MPV17L: variants seen among roughly 807,000 people sequenced by gnomAD.
MPV17L encodes mpv17-like protein.
MPV17L carries 24 observed loss-of-function variants against 25.8 expected under a neutral mutation model. The observed-to-expected ratio is 0.93, with a 90% confidence interval of 0.67 to 1.31. The LOEUF (loss-of-function observed/expected upper bound fraction) is 1.31, where lower values mean the gene tolerates loss of function less well. Ranked by LOEUF, MPV17L falls within the 50% of genes most tolerant of loss-of-function variation. MPV17L has a pLI of 0.00. For synonymous variants in MPV17L, 102 were observed against 115.3 expected, an observed-to-expected ratio of 0.88 and a Z score of 0.74; for missense variants, 250 against 265.6, an observed-to-expected ratio of 0.94 and a Z score of 0.41.
chr16:15,411,579 G>A lies in MPV17L; in HGVS notation c.*3467G>A, dbSNP rs1730088680. On this transcript the variant is annotated 3_prime_UTR_variant, in exon 4 of 4. Coordinates refer to ENST00000396385, the MANE Select transcript of MPV17L (RefSeq NM_001128423.2). The stretch of plus-strand genomic sequence containing the variant: ...GAGGATCTCTCGAGCTCAGGAGGCA[G>A]AAGATGAATAAATAAATGGATGCAA... The A allele has an allele frequency of 6.6e-6, 1 of 152,280 alleles. No homozygotes were observed. Among genetic ancestry groups the A allele is most frequent in the East Asian group, 1.9e-4 (1 of 5,178 alleles). 9.4% of individuals were successfully genotyped at this position (152,280 alleles called of 1,614,324 possible). A position where few individuals can be genotyped will look rare whatever the true frequency, so the allele number is the denominator to read the frequency against.
chr16:15,399,062 A>G (rs2050611773), intron 1 of MPV17L, among the ~76,000 whole-genome samples: 1 of 151,724 alleles, frequency 6.6e-6, no homozygotes, highest in South Asian at 2.1e-4. Flanking sequence ...CAGATTAACA[A>G]CTCTGGCTTG....
chr16:15,404,632 C>T (rs1399249386), intron 2 of MPV17L, among the ~76,000 whole-genome samples: 2 of 152,158 alleles, frequency 1.3e-5, no homozygotes, highest in East Asian at 1.9e-4. Flanking sequence ...ACCAGCCTGA[C>T]CAACATGGTG....
rs1173010652 is a variant in MPV17L, at chr16:15,411,611, G to A, written c.*3499G>A. On this transcript the variant is annotated 3_prime_UTR_variant, in exon 4 of 4. Coordinates refer to ENST00000396385, the MANE Select transcript of MPV17L (RefSeq NM_001128423.2). The stretch of plus-strand genomic sequence containing the variant: ...AATAAATAAATGGATGCAACTGAAT[G>A]AGATGAGGTCTCTCTTGAAGGAGAG... 1.3e-5 allele frequency: 2 copies of A among 152,184 alleles called. No homozygotes were observed. The highest frequency in any genetic ancestry group is 2.9e-5 in the Non-Finnish European group (2 of 68,044). The allele number at this position is 152,184 out of a possible 1,614,324, so 9.4% of individuals were successfully genotyped here.
rs2050701462 is a variant in MPV17L, at chr16:15,408,415, T to C, written c.*303T>C. ...ACACAAGTTTCAGGAAACTTGGTTT[T>C]GATTGTTCACATTTCTATTCTAAAA... is the stretch of plus-strand genomic sequence containing the variant. On this transcript the variant is annotated 3_prime_UTR_variant, in exon 4 of 4. Transcript: ENST00000396385. 4.3e-6 allele frequency: 1 copy of C among 230,400 alleles called. No individual in the cohort carries two copies. Among genetic ancestry groups the C allele is most frequent in the Non-Finnish European group, 8.4e-6 (1 of 119,060 alleles). The allele number at this position is 230,400 out of a possible 1,614,324, so 14.3% of individuals were successfully genotyped here. A position where few individuals can be genotyped will look rare whatever the true frequency, so the allele number is the denominator to read the frequency against.
chr16:15,404,283 T>C (rs1192803379), intron 2 of MPV17L, among the ~76,000 whole-genome samples: 3 of 152,096 alleles, frequency 2.0e-5, no homozygotes, highest in Non-Finnish European at 2.9e-5. Flanking sequence ...CAACTTGGAA[T>C]GAGTTTGGAT....
At position 15,408,027 on chromosome 16, in the gene MPV17L, A is replaced by G; in HGVS notation, c.506A>G (p.Gln169Arg). ...LWATFICFSQ[Q>R]SGDGTFKSAF... ...GCCACCTTCATCTGTTTTTCCCAGC[A>G]GAGTGGTGACGGCACATTCAAGTCA... The change falls in exon 4 of 4, where the codon CAG becomes CGG. Residue 169 changes from glutamine (Q) to arginine (R), a missense_variant. By Grantham distance (43) the Gln-to-Arg change is conservative (BLOSUM62 1). Transcript: ENST00000396385. 1 of 1,614,054 alleles carries G rather than the reference A, an allele frequency of 6.2e-7. No homozygotes were observed. Among genetic ancestry groups the G allele is most frequent in the Non-Finnish European group, 8.5e-7 (1 of 1,180,036 alleles).
chr16:15,399,552 C>T (rs1314326196), intron 1 of MPV17L: 18 of 365,704 alleles, frequency 4.9e-5, no homozygotes, highest in Middle Eastern at 9.3e-4. Context: ...ACTACAGGCA[C>T]GCACCCCTAT....
chr16:15,397,512 C>T (rs1475265187), intron 1 of MPV17L, among the ~76,000 whole-genome samples: 2 of 152,058 alleles, frequency 1.3e-5, no homozygotes, highest in Admixed American at 1.3e-4. Context: ...CAGGAGGGGC[C>T]CTGTGGCCTC....
intron 2 of MPV17L, among the ~76,000 whole-genome samples, chr16:15,406,353 A>T (rs989287305): frequency 6.6e-6 from 1 of 152,130 alleles, no homozygotes; most frequent in African/African-American, 2.4e-5. Context: ...AGAAAATACA[A>T]ATTAGTAAAA....
chr16:15,399,957 A>G (rs2050619128), intron 1 of MPV17L, among the ~76,000 whole-genome samples: 1 of 152,008 alleles, frequency 6.6e-6, no homozygotes, highest in South Asian at 2.1e-4. Flanking sequence ...GGCATATGCC[A>G]CCATGCCTGG....
chr16:15,412,917 A>G lies in MPV17L; in HGVS notation c.*4805A>G, dbSNP rs1279733909. ...TTCTAACTCATACATCATTGCTATA[A>G]ACCTTATTTGTTTACTGTTTCTCTT... is the stretch of plus-strand genomic sequence containing the variant. On this transcript the variant is annotated 3_prime_UTR_variant, in exon 4 of 4. Coordinates refer to ENST00000396385, the MANE Select transcript of MPV17L (RefSeq NM_001128423.2). The G allele has an allele frequency of 6.6e-6, 1 of 152,048 alleles. No homozygotes were observed. The highest frequency in any genetic ancestry group is 1.5e-5 in the Non-Finnish European group (1 of 68,004). 9.4% of individuals were successfully genotyped at this position (152,048 alleles called of 1,614,324 possible). A position where few individuals can be genotyped will look rare whatever the true frequency, so the allele number is the denominator to read the frequency against.
intron 2 of MPV17L, among the ~76,000 whole-genome samples, chr16:15,404,650 G>C (rs1252470609): frequency 6.6e-6 from 1 of 151,994 alleles, no homozygotes; most frequent in Non-Finnish European, 1.5e-5. Context: ...GTGAAACCCT[G>C]TCTCTACTAA....
chr16:15,408,349 C>T lies in MPV17L; in HGVS notation c.*237C>T, dbSNP rs1244702210. ...TTTTGGTTAATATGAATAATAGTGGCAAAATGGCATTTTAGAATTATTAAT... is the reference window on the plus strand; with the variant it reads ...TTTTGGTTAATATGAATAATAGTGGTAAAATGGCATTTTAGAATTATTAAT... On this transcript the variant is annotated 3_prime_UTR_variant, in exon 4 of 4. Transcript: ENST00000396385. 5 of 380,222 alleles carry T rather than the reference C, an allele frequency of 1.3e-5. No individual in the cohort carries two copies. The highest frequency in any genetic ancestry group is 2.3e-5 in the Non-Finnish European group (5 of 213,346). The allele number at this position is 380,222 out of a possible 1,614,324, so 23.6% of individuals were successfully genotyped here.
intron 1 of MPV17L, among the ~76,000 whole-genome samples, chr16:15,397,518 G>A (rs945129113): frequency 5.3e-5 from 8 of 152,120 alleles, no homozygotes; most frequent in Non-Finnish European, 1.0e-4. Flanking sequence ...GGGCCCTGTG[G>A]CCTCTAGCAT....
At chr16:15,401,118 A>C (rs2050637425) in intron 2 of MPV17L, among the ~76,000 whole-genome samples, 1 of 78,964 alleles carries the variant, frequency 1.3e-5, no homozygotes, top group Non-Finnish European at 2.7e-5. Context: ...TTTTAATTAA[A>C]AAAACCTTTT....
Position 15,399,442 on chromosome 16 carries a change from A to G in MPV17L, c.311-1345A>G, listed in dbSNP as rs191778824. 5.3e-4 allele frequency: 242 copies of G among 452,422 alleles called. 1 individual carries two copies. The highest frequency in any genetic ancestry group is 4.0e-3 in the African/African-American group (199 of 49,924). 28.0% of individuals were successfully genotyped at this position (452,422 alleles called of 1,614,324 possible). On this transcript the variant is annotated intron_variant, in intron 1 of 3. Transcript: ENST00000396385. ...TTTTTCTGAGACAGGGTCTCACTCT[A>G]TTCCCCAGGCTGAAGTGCAGTGATG... is the stretch of plus-strand genomic sequence containing the variant.
At chr16:15,398,261 C>G (rs565258359) in intron 1 of MPV17L, among the ~76,000 whole-genome samples, 4 of 152,018 alleles carry the variant, frequency 2.6e-5, no homozygotes, top group Non-Finnish European at 5.9e-5. Context: ...CCAGGCTGGT[C>G]TCGAACTCCT....
At chr16:15,406,465 C>A (rs886664812) in intron 2 of MPV17L, among the ~76,000 whole-genome samples, 9 of 151,840 alleles carry the variant, frequency 5.9e-5, no homozygotes, top group Non-Finnish European at 1.3e-4. Flanking sequence ...TTTAAAAAAT[C>A]ATAATGATGA....
intron 2 of MPV17L, among the ~76,000 whole-genome samples, chr16:15,406,692 G>A (rs527715270): frequency 2.8e-4 from 43 of 152,188 alleles, no homozygotes; most frequent in Admixed American, 1.1e-3. Context: ...TTGGGAGGCC[G>A]AGGCAGGCAA....
Sources: gnomAD v4.1 joint callset for allele counts (sites outside exome capture counted in the v4.1 genomes callset) on GRCh38, gnomAD v4.1.1 for gene constraint, MANE v1.5 for transcripts, NCBI Gene and HGNC (gene_info 2026-07-23, HGNC 2026-07-21) for gene names.